The following SPRED2 variants were observed in gnomAD, a reference collection of about 807,000 sequenced individuals.
The protein encoded by SPRED2 is sprouty-related, EVH1 domain-containing protein 2.
Under a neutral mutation model 43.0 loss-of-function variants are expected in SPRED2, and 47 were observed. The ratio of observed to expected loss-of-function variants is 1.09; its 90% CI spans 0.87 to 1.40. The LOEUF is 1.40. SPRED2 is among the 40% of genes most tolerant of loss of function. The probability of loss-of-function intolerance (pLI) is 0.00; values close to 1 mark genes in which losing one functional copy is unlikely to be tolerated. For missense variants in SPRED2, 561 were observed against 586.4 expected, an observed-to-expected ratio of 0.96 and a Z score of 0.45; for synonymous variants, 225 against 225.7, an observed-to-expected ratio of 1.00 and a Z score of 0.03.
chr2:65,352,705 C>A (rs999461486), intron 1 of SPRED2, among the ~76,000 whole-genome samples: 2 of 152,216 alleles, frequency 1.3e-5, no homozygotes, highest in African/African-American at 4.8e-5. Context: ...CTCACTGCAA[C>A]CTCTGCCTCC....
intron 1 of SPRED2, among the ~76,000 whole-genome samples, chr2:65,404,339 A>G (rs1007234356): frequency 2.0e-5 from 3 of 152,238 alleles, no homozygotes; most frequent in Non-Finnish European, 4.4e-5. Context: ...ATATACTCAC[A>G]AAGTTAACCA....
chr2:65,356,550 TTTTTTTTTG>T (rs1183620904), intron 1 of SPRED2, among the ~76,000 whole-genome samples: 48 of 138,962 alleles, frequency 3.5e-4, no homozygotes, highest in Admixed American at 7.8e-4. Context: ...TTTTTTTTTT[TTTTTTTTTG>T]TGTGTGTGTA....
At chr2:65,308,294 C>A, downstream of SPRED2, 5 of 985,326 alleles carry the variant, frequency 5.1e-6, no homozygotes, top group Non-Finnish European at 6.0e-6. Context: ...TCGGCAAAAC[C>A]GCTCCCACAG....
chr2:65,388,012 C>T (rs773863699), intron 1 of SPRED2, among the ~76,000 whole-genome samples: 1 of 152,130 alleles, frequency 6.6e-6, no homozygotes, highest in African/African-American at 2.4e-5. Context: ...AGGTTGGTCT[C>T]GAACTCCTGA....
At chr2:65,412,232 T>C (rs1311635403) in intron 1 of SPRED2, among the ~76,000 whole-genome samples, 2 of 152,066 alleles carry the variant, frequency 1.3e-5, no homozygotes, top group Non-Finnish European at 2.9e-5. Flanking sequence ...GGCAGAGGAA[T>C]CACCTGGAGA....
chr2:65,323,418 AT>A (rs1245357353), intron 4 of SPRED2, among the ~76,000 whole-genome samples: 1 of 152,120 alleles, frequency 6.6e-6, no homozygotes, highest in Non-Finnish European at 1.5e-5. Context: ...CAAGCCTTTG[AT>A]GAGGAAGAAC....
chr2:65,430,666 T>A (rs983070163), intron 1 of SPRED2, among the ~76,000 whole-genome samples: 2 of 152,062 alleles, frequency 1.3e-5, no homozygotes, highest in African/African-American at 2.4e-5. Flanking sequence ...CACACTCCCC[T>A]GCAAAGACGC....
In SPRED2 at chr2:65,314,170, C is replaced by T. The variant is rs998284071; in HGVS notation, c.589-1G>A. On this transcript the variant is annotated splice_acceptor_variant, in intron 5 of 5. Transcript: ENST00000356388. LOFTEE classifies it high-confidence loss of function. ...CCTGGCGGTAGGGCCTTGGCATCGG[C>T]TGTCCCGTAGGAGAGGAGACATTAT... The T allele has an allele frequency of 1.3e-6, 2 of 1,587,546 alleles. No homozygotes were observed. Among genetic ancestry groups the T allele is most frequent in the African/African-American group, 1.3e-5 (1 of 74,420 alleles).
chr2:65,379,584 C>T (rs1336281804), intron 1 of SPRED2, among the ~76,000 whole-genome samples: 3 of 152,220 alleles, frequency 2.0e-5, no homozygotes, highest in Non-Finnish European at 4.4e-5. Flanking sequence ...GTCCCCTCAT[C>T]TGTGTAACTC....
intron 1 of SPRED2, among the ~76,000 whole-genome samples, chr2:65,357,361 A>C (rs1423376129): frequency 2.6e-5 from 4 of 152,200 alleles, no homozygotes; most frequent in Non-Finnish European, 5.9e-5. Flanking sequence ...TCAGGTCTTC[A>C]CATTAGTTCC....
intron 1 of SPRED2, among the ~76,000 whole-genome samples, chr2:65,363,101 G>A (rs113677619): frequency 0.053 from 7,705 of 146,576 alleles, 288 homozygotes; most frequent in Middle Eastern, 0.16. Flanking sequence ...TTAGCTGGGT[G>A]TGGTGGCACA....
At chr2:65,429,319 T>G (rs1676625160) in intron 1 of SPRED2, among the ~76,000 whole-genome samples, 1 of 152,346 alleles carries the variant, frequency 6.6e-6, no homozygotes, top group South Asian at 2.1e-4. Context: ...GTCTCCAGTT[T>G]GATGCCACCA....
At chr2:65,356,137 A>T (rs147289535) in intron 1 of SPRED2, among the ~76,000 whole-genome samples, 45 of 152,308 alleles carry the variant, frequency 3.0e-4, no homozygotes, top group African/African-American at 1.1e-3. Flanking sequence ...TTTCTTTCAC[A>T]TTATTGGAGA....
At chr2:65,417,839 T>C (rs926686379) in intron 1 of SPRED2, among the ~76,000 whole-genome samples, 1 of 152,256 alleles carries the variant, frequency 6.6e-6, no homozygotes, top group African/African-American at 2.4e-5. Context: ...GAAACCATTT[T>C]ACTTCAGCGA....
intron 1 of SPRED2, among the ~76,000 whole-genome samples, chr2:65,357,612 T>G (rs1296308243): frequency 1.3e-5 from 2 of 152,182 alleles, no homozygotes; most frequent in Non-Finnish European, 2.9e-5. Flanking sequence ...AGTTATTCCT[T>G]ATCTTGGTCC....
downstream of SPRED2, among the ~76,000 whole-genome samples, chr2:65,310,594 G>T (rs1181082917): frequency 6.6e-6 from 1 of 152,060 alleles, no homozygotes; most frequent in Non-Finnish European, 1.5e-5. Context: ...GGGAAGCCAG[G>T]CCTAGGAAGA....
chr2:65,377,768 TGTCAAAGCGGCA>T (rs1675278976), intron 1 of SPRED2: 2 of 466,658 alleles, frequency 4.3e-6, no homozygotes, highest in Non-Finnish European at 8.9e-6. Context: ...CCTAGGTAAC[TGTCAAAGCGGCA>T]GTCCTCAGCA....
Position 65,313,557 on chromosome 2 carries a change from A to G in SPRED2, c.1201T>C (p.Tyr401His). 1 of 1,613,904 alleles carries G rather than the reference A, an allele frequency of 6.2e-7. No homozygotes were observed. Among genetic ancestry groups the G allele is most frequent in the Non-Finnish European group, 8.5e-7 (1 of 1,179,882 alleles). The stretch of plus-strand genomic sequence containing the variant: ...CACCTGCACATCACTCCGCAGTGGT[A>G]GCAGGCCCGAAGGGGCAGGTAACAG... ...MCCYLPLRAC[Y>H]HCGVMCRCCG... Residue 401 changes from tyrosine (Y) to histidine (H), a missense_variant, in exon 6 of 6, where the codon TAC (tyrosine) becomes CAC (histidine). By Grantham distance (83) the Tyr-to-His change is moderately conservative. Around this residue, in one of 6 missense-constraint regions of SPRED2, gnomAD observed 65 missense variants for 60.2 expected, o/e 1.08. Transcript: ENST00000356388.
At chr2:65,351,701 G>A (rs1674515070) in intron 1 of SPRED2, among the ~76,000 whole-genome samples, 1 of 152,184 alleles carries the variant, frequency 6.6e-6, no homozygotes, top group African/African-American at 2.4e-5. Context: ...ATGTGTGTAT[G>A]AAGTATATGT....
Sources: gnomAD v4.1 joint callset for allele counts (sites outside exome capture counted in the v4.1 genomes callset) on GRCh38, gnomAD v4.1.1 for gene constraint, gnomAD v4.1.1 regional missense constraint, MANE v1.5 for transcripts, NCBI Gene and HGNC (gene_info 2026-07-23, HGNC 2026-07-21) for gene names.